Variants in DES observed in about 807,000 individuals in gnomAD.
The protein encoded by DES is desmin, also known as cardiomyopathy, dilated 1F (autosomal dominant).
A neutral mutation model predicts 55.1 loss-of-function variants in DES; 34 were observed. That is an observed-to-expected ratio of 0.62 (90% CI 0.47 to 0.82). The LOEUF is 0.82. Ranked by LOEUF, DES falls within the 40% of genes least tolerant of loss-of-function variation. DES has a pLI of 0.00. For missense variants in DES, 596 were observed against 645.9 expected, an observed-to-expected ratio of 0.92 and a Z score of 0.84; for synonymous variants, 259 against 270.8, an observed-to-expected ratio of 0.96 and a Z score of 0.43.
chr2:219,425,403 C>T (rs1176213630), intron 7 of DES: 7 of 503,410 alleles, frequency 1.4e-5, no homozygotes. Flanking sequence ...TACCCTCCTG[C>T]ACCATCCTGC....
chr2:219,422,484 A>ATTTTTTTTTTTTTTT (rs1954464241), intron 6 of DES, among the ~76,000 whole-genome samples: 1 of 2,940 alleles, frequency 3.4e-4, no homozygotes, highest in African/African-American at 1.0e-3. Context: ...TTTTTTTTTG[A>ATTTTTTTTTTTTTTT]GACAGAGTCT....
At position 219,423,768 on chromosome 2, in the gene DES, C is replaced by T. The variant is rs1459222040; in HGVS notation, c.1245-9C>T. 1.9e-6 allele frequency: 3 copies of T among 1,613,598 alleles called. No individual in the cohort carries two copies. Among genetic ancestry groups the T allele is most frequent in the Non-Finnish European group, 2.5e-6 (3 of 1,179,714 alleles). On this transcript the variant is annotated splice_polypyrimidine_tract_variant and intron_variant, in intron 6 of 8. Coordinates refer to ENST00000373960, the MANE Select transcript of DES (RefSeq NM_001927.4). ...TAACTCTTAGGAGGTTTTGTCTCTTCCCTTTTAGGATCAATCTCCCCATCC... is the reference window on the plus strand; with the variant it reads ...TAACTCTTAGGAGGTTTTGTCTCTTTCCTTTTAGGATCAATCTCCCCATCC...
chr2:219,423,737 G>C lies in DES; in HGVS notation c.1245-40G>C, dbSNP rs373951016. 4 of 1,605,902 alleles carry C rather than the reference G, an allele frequency of 2.5e-6. No individual in the cohort carries two copies. In the African/African-American group the frequency reaches 4.0e-5, roughly 16 times the overall value. ...TACAGCTGGGCCCGGCCGATGGGAG[G>C]GTTCTTAACTCTTAGGAGGTTTTGT... On this transcript the variant is annotated intron_variant, in intron 6 of 8. Coordinates refer to ENST00000373960, the MANE Select transcript of DES (RefSeq NM_001927.4).
At chr2:219,424,695 T>C (rs1312610377) in intron 7 of DES, among the ~76,000 whole-genome samples, 2 of 152,178 alleles carry the variant, frequency 1.3e-5, no homozygotes, top group East Asian at 3.9e-4. Flanking sequence ...CATTTAAAAC[T>C]TCATAGTACA....
chr2:219,425,471 G>A, intron 7 of DES, 192 bp from the exon 8 acceptor site: 1 of 622,462 alleles, frequency 1.6e-6, no homozygotes, highest in Non-Finnish European at 2.9e-6. Context: ...AGGCGCTGGG[G>A]ACTGCAGAAC....
In DES at chr2:219,425,715, G is replaced by T; in HGVS notation, c.1341G>T (p.Met447Ile). The T allele has an allele frequency of 6.2e-7, 1 of 1,601,300 alleles. No individual in the cohort carries two copies. Among genetic ancestry groups the T allele is most frequent in the South Asian group, 1.1e-5 (1 of 88,226 alleles). ...GSEVHTKKTV[M>I]IKTIETRDGE... Reference sequence around the variant, plus strand: ...AGGTCCATACCAAGAAGACGGTGATGATCAAGACCATCGAGACACGGGATG... The same window carrying T: ...AGGTCCATACCAAGAAGACGGTGATTATCAAGACCATCGAGACACGGGATG... Residue 447 changes from methionine to isoleucine, a missense_variant, in exon 8 of 9, where the codon ATG becomes ATT. Coordinates refer to ENST00000373960, the MANE Select transcript of DES (RefSeq NM_001927.4).
At position 219,421,331 on chromosome 2, in the gene DES, C is replaced by T. The variant is rs201552590; in HGVS notation, c.1024-9C>T. ...CCCTTCCTTGACCTGGGTTCCCCCT[C>T]TCCTGCAGAACGATTCCCTGATGAG... On this transcript the variant is annotated splice_polypyrimidine_tract_variant and intron_variant, in intron 5 of 8. Transcript: ENST00000373960. 6.2e-6 allele frequency: 10 copies of T among 1,614,012 alleles called. No individual in the cohort carries two copies. The East Asian group carries it at 2.2e-4, about 36-fold the overall frequency.
rs61368398 is a variant in DES at position 219,421,380 on chromosome 2, G to A, written c.1064G>A (p.Arg355Gln). The A allele has an allele frequency of 2.9e-5, 47 of 1,613,972 alleles. No homozygotes were observed. The highest frequency in any genetic ancestry group is 3.8e-5 in the Non-Finnish European group (45 of 1,180,020). Residue 355 changes from arginine to glutamine, a missense_variant, in exon 6 of 9, where the codon CGA (arginine) becomes CAA (glutamine). Arg to Gln is a conservative substitution (Grantham distance 43, BLOSUM62 1). Coordinates refer to ENST00000373960, the MANE Select transcript of DES (RefSeq NM_001927.4). ...AGGCAGATGCGGGAATTGGAGGACC[G>A]ATTTGCCAGTGAGGCCAGTGGCTAC... ...LMRQMRELED[R>Q]FASEASGYQD...
At chr2:219,425,889 G>A in intron 8 of DES, 60 bp from the exon 9 acceptor site, 1 of 1,611,908 alleles carries the variant, frequency 6.2e-7, no homozygotes, top group South Asian at 1.1e-5. Context: ...GGATGGCTCA[G>A]GGCTGAGGCT....
chr2:219,426,199 C>T lies in DES; in HGVS notation c.*209C>T, dbSNP rs1456018416. Reference sequence around the variant, plus strand: ...ACAGGGCATGCCCCGGCCACCTCTGCGGACCCCAGCTGTGAGCCTTGGCTG... The same window carrying T: ...ACAGGGCATGCCCCGGCCACCTCTGTGGACCCCAGCTGTGAGCCTTGGCTG... On this transcript the variant is annotated 3_prime_UTR_variant, in exon 9 of 9. Transcript: ENST00000373960. This position sits in a 1 kb window ranked among gnomAD's most constrained non-coding sequence, Gnocchi z 4.5. 9 of 667,266 alleles carry T rather than the reference C, an allele frequency of 1.3e-5. No homozygotes were observed. Among genetic ancestry groups the T allele is most frequent in the Admixed American group, 6.3e-5 (3 of 47,798 alleles). The allele number at this position is 667,266 out of a possible 1,614,324, so 41.3% of individuals were successfully genotyped here.
chr2:219,424,015 A>G (rs1331924508), intron 7 of DES, among the ~76,000 whole-genome samples, 195 bp downstream of exon 7: 1 of 152,224 alleles, frequency 6.6e-6, no homozygotes, highest in Non-Finnish European at 1.5e-5. Context: ...CTTATGACAG[A>G]GAGAGCTTTT....
At chr2:219,421,237 G>A (rs1954434938) in intron 5 of DES, 103 bp from the exon 6 acceptor site, 12 of 1,269,598 alleles carry the variant, frequency 9.5e-6, no homozygotes, top group East Asian at 7.0e-5. Flanking sequence ...GGTTCAACAT[G>A]GCCTGGACCT....
chr2:219,423,465 G>T lies in DES; in HGVS notation c.1245-312G>T, dbSNP rs542329939. 4.0e-5 allele frequency among the ~76,000 whole-genome samples: 6 copies of T among 148,644 alleles called. No individual in the cohort carries two copies. In the South Asian group the frequency reaches 1.3e-3, roughly 32 times the overall value. On this transcript the variant is annotated intron_variant, in intron 6 of 8. Transcript: ENST00000373960. ...TCTTTTTTTTTTTTTTTTGAGACAG[G>T]GTCTTGTTCTGTCCCCCAGGCTGGA...
Position 219,420,836 on chromosome 2 carries a change from C to A in DES, c.906C>A (p.Asp302Glu), listed in dbSNP as rs1224203630. 6.2e-7 allele frequency: 1 copy of A among 1,613,726 alleles called. No individual in the cohort carries two copies. Among genetic ancestry groups the A allele is most frequent in the Admixed American group, 1.7e-5 (1 of 60,008 alleles). ...AEEWYKSKVS[D>E]LTQAANKNND... ...CCTTTCTCTGCCCTTAGGTGTCAGA[C>A]CTGACCCAGGCAGCCAACAAGAACA... Residue 302 changes from aspartate (D) to glutamate (E), a missense_variant, in exon 5 of 9, where the codon GAC becomes GAA. Transcript: ENST00000373960. This position sits in a 1 kb window ranked among gnomAD's most constrained non-coding sequence, Gnocchi z 6.0.
At position 219,425,727 on chromosome 2, in the gene DES, C is replaced by G. The variant is rs121913002; in HGVS notation, c.1353C>G (p.Ile451Met). ...HTKKTVMIKTIETRDGEVVSE... is the reference protein window; with the variant it reads ...HTKKTVMIKTMETRDGEVVSE... ...AGAAGACGGTGATGATCAAGACCAT[C>G]GAGACACGGGATGGGGAGGTAAGTG... Residue 451 changes from isoleucine to methionine, a missense_variant, in exon 8 of 9, where the codon ATC (isoleucine) becomes ATG (methionine). Transcript: ENST00000373960. 68 of 1,602,862 alleles carry G rather than the reference C, an allele frequency of 4.2e-5. No homozygotes were observed. The highest frequency in any genetic ancestry group is 5.4e-5 in the African/African-American group (4 of 74,656).
chr2:219,425,546 G>C (rs1309531207), intron 7 of DES, 117 bp from the exon 8 acceptor site: 24 of 854,252 alleles, frequency 2.8e-5, no homozygotes, highest in Non-Finnish European at 4.6e-5. Context: ...AGCCTGTCTT[G>C]AGGGGGGTTG....
Position 219,418,387 on chromosome 2 carries a change from G to A in DES, c.-76G>A. On this transcript the variant is annotated 5_prime_UTR_variant, in exon 1 of 9. Transcript: ENST00000373960. ...ACGGCTGGGGGCCCTGTCTCCCCTC[G>A]CCGCATCCACTCTCCGGCCGGCCGC... 5 of 1,435,192 alleles carry A rather than the reference G, an allele frequency of 3.5e-6. No homozygotes were observed. Among genetic ancestry groups the A allele is most frequent in the Non-Finnish European group, 4.6e-6 (5 of 1,080,288 alleles). 88.9% of individuals were successfully genotyped at this position (1,435,192 alleles called of 1,614,324 possible). A position where few individuals can be genotyped will look rare whatever the true frequency, so the allele number is the denominator to read the frequency against.
chr2:219,420,538 A>G lies in DES; in HGVS notation c.779A>G (p.Gln260Arg). ...GCTCAGCTTCAGGAACAGCAGGTCC[A>G]GGTGGAGATGGACATGTCTAAGCCA... ...LQAQLQEQQV[Q>R]VEMDMSKPDL... Residue 260 changes from glutamine (Q) to arginine (R), a missense_variant, in exon 4 of 9, where the codon CAG (glutamine) becomes CGG (arginine). Transcript: ENST00000373960. The surrounding 1 kb of genome is among the most constrained non-coding windows in gnomAD (Gnocchi z 6.0). The G allele has an allele frequency of 1.9e-6, 3 of 1,613,986 alleles. No homozygotes were observed. Among genetic ancestry groups the G allele is most frequent in the Non-Finnish European group, 1.7e-6 (2 of 1,180,020 alleles).
chr2:219,425,943 C>A lies in DES; in HGVS notation c.1372-6C>A. ...ATGGTTGGACTGGGCTTCTCTTCCTCCCCAGGTCGTCAGTGAGGCCACACA... is the reference window on the plus strand; with the variant it reads ...ATGGTTGGACTGGGCTTCTCTTCCTACCCAGGTCGTCAGTGAGGCCACACA... On this transcript the variant is annotated splice_polypyrimidine_tract_variant and splice_region_variant and intron_variant, in intron 8 of 8. Transcript: ENST00000373960. 6.2e-7 allele frequency: 1 copy of A among 1,613,950 alleles called. No individual in the cohort carries two copies. Among genetic ancestry groups the A allele is most frequent in the Non-Finnish European group, 8.5e-7 (1 of 1,179,970 alleles).
Sources: gnomAD v4.1 joint callset for allele counts (sites outside exome capture counted in the v4.1 genomes callset) on GRCh38, gnomAD v4.1.1 for gene constraint, Gnocchi (gnomAD v3.1) non-coding constraint, MANE v1.5 for transcripts, NCBI Gene and HGNC (gene_info 2026-07-23, HGNC 2026-07-21) for gene names.